The following VAV3 variants were observed in gnomAD, a reference collection of about 807,000 sequenced individuals.
VAV3 encodes guanine nucleotide exchange factor VAV3.
Under a neutral mutation model 131.2 loss-of-function variants are expected in VAV3, and 94 were observed. That is an observed-to-expected ratio of 0.72 (90% confidence interval 0.61 to 0.85). The LOEUF (loss-of-function observed/expected upper bound fraction) is 0.85, where lower values mean the gene tolerates loss of function less well. Ranked by LOEUF, VAV3 falls within the 40% of genes least tolerant of loss-of-function variation. The pLI is 0.00. For missense variants in VAV3, 939 were observed against 1,002.7 expected (o/e 0.94, Z 0.86); for synonymous variants, 349 against 342.0 (o/e 1.02, Z -0.22).
chr1:107,905,624 G>A (rs977873964), intron 1 of VAV3, among the ~76,000 whole-genome samples: 11 of 151,964 alleles, frequency 7.2e-5, no homozygotes, highest in African/African-American at 2.7e-4. Flanking sequence ...CAAAGACATG[G>A]GAAATACTTT....
At chr1:107,784,371 C>T (rs1343312976) in intron 2 of VAV3, among the ~76,000 whole-genome samples, 3 of 152,092 alleles carry the variant, frequency 2.0e-5, no homozygotes, top group Non-Finnish European at 2.9e-5. Context: ...ATATAAACAG[C>T]AATGATTTAG....
intron 2 of VAV3, among the ~76,000 whole-genome samples, chr1:107,812,147 C>T (rs1015875454): frequency 6.6e-6 from 1 of 152,142 alleles, no homozygotes; most frequent in Non-Finnish European, 1.5e-5. Context: ...CAAAGCTTTA[C>T]AAGTTTTGGC....
chr1:107,796,800 A>ATATAT lies in VAV3; in HGVS notation c.322-17309_322-17308insATATA, dbSNP rs1553210372. On this transcript the variant is annotated intron_variant, in intron 2 of 26. Transcript: ENST00000370056. Reference sequence around the variant, plus strand: ...ACATGCTGTTATTTGTAAAAAAAAAAAAAAATATATATATATATGCAAATT... The same window carrying ATATAT: ...ACATGCTGTTATTTGTAAAAAAAAAATATATAAAAATATATATATATATGCAAATT... 3.9e-4 allele frequency among the ~76,000 whole-genome samples: 32 copies of ATATAT among 82,980 alleles called. 1 individual carries two copies. The highest frequency in any genetic ancestry group is 1.1e-3 in the African/African-American group (29 of 27,574). The allele number at this position is 82,980 out of a possible 152,430, so 54.4% of individuals were successfully genotyped here.
chr1:107,630,272 G>C lies in VAV3; in HGVS notation c.1914+12347C>G, dbSNP rs12046357. On this transcript the variant is annotated intron_variant, in intron 20 of 26. Coordinates refer to ENST00000370056, the MANE Select transcript of VAV3 (RefSeq NM_006113.5). ...TCTGGTTCTCCCAACATGAAACACA[G>C]TCAGTTACATAGTAGGCACTTTATA... is the stretch of plus-strand genomic sequence containing the variant. Among the ~76,000 whole-genome samples, 31 of 152,170 alleles carry C rather than the reference G, an allele frequency of 2.0e-4. No homozygotes were observed. The East Asian group carries it at 5.8e-3, about 28-fold the overall frequency.
At chr1:107,720,382 CAAAA>C (rs1557791056) in intron 15 of VAV3, among the ~76,000 whole-genome samples, 1 of 44,368 alleles carries the variant, frequency 2.3e-5, no homozygotes, top group Non-Finnish European at 4.5e-5. Flanking sequence ...GACACTGTCT[CAAAA>C]ATAAATAAAT....
At chr1:107,698,620 A>G (rs563819789) in intron 17 of VAV3, among the ~76,000 whole-genome samples, 13 of 152,322 alleles carry the variant, frequency 8.5e-5, no homozygotes, top group African/African-American at 3.1e-4. Context: ...TATTTGCTTA[A>G]AAAGATTTTA....
chr1:107,693,666 T>C (rs1465464412), intron 17 of VAV3, among the ~76,000 whole-genome samples: 1 of 152,154 alleles, frequency 6.6e-6, no homozygotes, highest in Non-Finnish European at 1.5e-5. Flanking sequence ...TCATTAAAAA[T>C]TATATTCTGG....
At chr1:107,689,760 G>A (rs1043554660) in intron 17 of VAV3, among the ~76,000 whole-genome samples, 2 of 152,096 alleles carry the variant, frequency 1.3e-5, no homozygotes, top group African/African-American at 4.8e-5. Flanking sequence ...CCTCCCTATT[G>A]GAAACACATA....
chr1:107,828,699 CT>C (rs1282043434), intron 2 of VAV3, among the ~76,000 whole-genome samples: 1 of 152,164 alleles, frequency 6.6e-6, no homozygotes, highest in Non-Finnish European at 1.5e-5. Context: ...AAAAGGTTCT[CT>C]GCTTTTCAGG....
chr1:107,909,579 C>T (rs1672269444), intron 1 of VAV3, among the ~76,000 whole-genome samples: 1 of 152,122 alleles, frequency 6.6e-6, no homozygotes, highest in African/African-American at 2.4e-5. Flanking sequence ...TCACATACAG[C>T]ATAGAATTGA....
chr1:107,851,196 C>T (rs907308867), intron 2 of VAV3, among the ~76,000 whole-genome samples: 3 of 149,060 alleles, frequency 2.0e-5, no homozygotes, highest in Non-Finnish European at 3.0e-5. Context: ...AAAAAGAAGC[C>T]GGCCCTCATT....
intron 15 of VAV3, among the ~76,000 whole-genome samples, chr1:107,734,393 A>G (rs1662457371): frequency 6.6e-6 from 1 of 152,206 alleles, no homozygotes; most frequent in African/African-American, 2.4e-5. Context: ...CTAATCCCCC[A>G]ATTAAAAGAC....
At chr1:107,859,739 G>T (rs1257266443) in intron 2 of VAV3, among the ~76,000 whole-genome samples, 1 of 151,972 alleles carries the variant, frequency 6.6e-6, no homozygotes, top group Admixed American at 6.6e-5. Context: ...TTCAAATCAA[G>T]ATATTTATAA....
At chr1:107,897,538 C>T (rs1396460838) in intron 1 of VAV3, among the ~76,000 whole-genome samples, 1 of 152,030 alleles carries the variant, frequency 6.6e-6, no homozygotes, top group East Asian at 2.0e-4. Context: ...GAGCTACCCA[C>T]ACAGCACCAG....
intron 2 of VAV3, among the ~76,000 whole-genome samples, chr1:107,798,520 C>G (rs915713102): frequency 4.6e-5 from 7 of 151,804 alleles, no homozygotes; most frequent in African/African-American, 1.7e-4. Flanking sequence ...AGATCGAGAC[C>G]ATTCTGGCTA....
chr1:107,627,740 A>T (rs570056784), intron 20 of VAV3, among the ~76,000 whole-genome samples: 36 of 152,328 alleles, frequency 2.4e-4, no homozygotes, highest in African/African-American at 8.4e-4. Context: ...GTAGTTTTAA[A>T]ATTATTCTGA....
In VAV3 at chr1:107,945,328, T is replaced by C. The variant is rs566713676; in HGVS notation, c.204+19338A>G. ...CCTACATATTTAATTTCAGAGCAAT[T>C]TAAACTTACAAAGGCATTTAACAAA... is the stretch of plus-strand genomic sequence containing the variant. On this transcript the variant is annotated intron_variant, in intron 1 of 26. Coordinates refer to ENST00000370056, the MANE Select transcript of VAV3 (RefSeq NM_006113.5). Among the ~76,000 whole-genome samples, 4 of 152,330 alleles carry C rather than the reference T, an allele frequency of 2.6e-5. No individual in the cohort carries two copies. In the South Asian group the frequency reaches 8.3e-4, roughly 32 times the overall value.
chr1:107,757,577 A>AT (rs1356637736), intron 10 of VAV3, among the ~76,000 whole-genome samples: 1 of 152,174 alleles, frequency 6.6e-6, no homozygotes, highest in Non-Finnish European at 1.5e-5. Context: ...ATCCACCACC[A>AT]TTACACTGAC....
chr1:107,962,150 T>C (rs563988463), intron 1 of VAV3, among the ~76,000 whole-genome samples: 1 of 152,226 alleles, frequency 6.6e-6, no homozygotes, highest in African/African-American at 2.4e-5. Flanking sequence ...CAAATTAATA[T>C]CTTCAACAGA....
Sources: gnomAD v4.1 joint callset for allele counts (sites outside exome capture counted in the v4.1 genomes callset) on GRCh38, gnomAD v4.1.1 for gene constraint, MANE v1.5 for transcripts, NCBI Gene and HGNC (gene_info 2026-07-23, HGNC 2026-07-21) for gene names.